Variants in MTERF4 observed in about 807,000 individuals in gnomAD.
The protein encoded by MTERF4 is mitochondrial transcription termination factor 4.
Under a neutral mutation model 22.5 loss-of-function variants are expected in MTERF4, and 17 were observed. The ratio of observed to expected loss-of-function variants is 0.75; its 90% CI spans 0.52 to 1.13. The LOEUF is 1.13. MTERF4 is among the 50% of genes most tolerant of loss of function. MTERF4 has a pLI of 0.00. For synonymous variants in MTERF4, 165 were observed against 175.3 expected (o/e 0.94, Z 0.47); for missense variants, 420 against 466.8 (o/e 0.90, Z 0.92).
At chr2:241,070,746 T>TCCCGAACGCCCCACTTAGGTCTTC (rs2062668732), downstream of MTERF4, among the ~76,000 whole-genome samples, 1 of 152,036 alleles carries the variant, frequency 6.6e-6, no homozygotes, top group Admixed American at 6.6e-5. Flanking sequence ...TCCACCAGGG[T>TCCCGAACGCCCCACTTAGGTCTTC]CCCGAACGCC....
chr2:241,068,781 T>C, downstream of MTERF4: 1 of 648,772 alleles, frequency 1.5e-6, no homozygotes, highest in Non-Finnish European at 2.7e-6. The surrounding 1 kb of genome is among the most constrained non-coding windows in gnomAD (Gnocchi z 5.3). Flanking sequence ...TCGTGGAGGT[T>C]GCCTGGGCCA....
intron 4 of MTERF4, among the ~76,000 whole-genome samples, chr2:241,081,123 G>C (rs2063306789): frequency 6.6e-6 from 1 of 152,230 alleles, no homozygotes; most frequent in African/African-American, 2.4e-5. Context: ...GGGCTGGCTG[G>C]GGGTGCACAC....
Position 241,073,530 on chromosome 2 carries a change from G to A in MTERF4, n.2632C>T, listed in dbSNP as rs1342930805. The A allele has an allele frequency of 1.5e-6, 1 of 667,546 alleles. No homozygotes were observed. Among genetic ancestry groups the A allele is most frequent in the Non-Finnish European group, 2.7e-6 (1 of 364,892 alleles). The allele number at this position is 667,546 out of a possible 1,614,324, so 41.4% of individuals were successfully genotyped here. A position where few individuals can be genotyped will look rare whatever the true frequency, so the allele number is the denominator to read the frequency against. ...CCCCGGTGTGGGAAGATGGGGTGAA[G>A]CTACACCACCCAAGCAGTGGGACCC... On this transcript the variant is annotated non_coding_transcript_exon_variant, in exon 5 of 5. Transcript: ENST00000464344. This position sits in a 1 kb window ranked among gnomAD's most constrained non-coding sequence, Gnocchi z 6.6.
Position 241,075,525 on chromosome 2 carries a change from G to C in MTERF4, n.637C>G, listed in dbSNP as rs912087535. On this transcript the variant is annotated non_coding_transcript_exon_variant, in exon 5 of 5. Coordinates refer to the MTERF4 transcript ENST00000464344. This position sits in a 1 kb window ranked among gnomAD's most constrained non-coding sequence, Gnocchi z 4.8. ...AGGTGTTTGCTTCTGTGAAATGCCTGATCACGCCTTTTGACTTTATGTTGG... is the reference window on the plus strand; with the variant it reads ...AGGTGTTTGCTTCTGTGAAATGCCTCATCACGCCTTTTGACTTTATGTTGG... The C allele has an allele frequency of 1.3e-5, 2 of 152,192 alleles. No homozygotes were observed. The highest frequency in any genetic ancestry group is 4.8e-5 in the African/African-American group (2 of 41,436). 9.4% of individuals were successfully genotyped at this position (152,192 alleles called of 1,614,324 possible).
At position 241,074,662 on chromosome 2, in the gene MTERF4, T is replaced by G. The variant is rs1327980384; in HGVS notation, n.1500A>C. 2.6e-5 allele frequency: 4 copies of G among 152,280 alleles called. No individual in the cohort carries two copies. In the East Asian group the frequency reaches 7.7e-4, roughly 29 times the overall value. The allele number at this position is 152,280 out of a possible 1,614,324, so 9.4% of individuals were successfully genotyped here. ...TGCTCATGCCCTGGTGGGTGCAAAATGATTTTAAGTGATAACATGAAAAGT... is the reference window on the plus strand; with the variant it reads ...TGCTCATGCCCTGGTGGGTGCAAAAGGATTTTAAGTGATAACATGAAAAGT... On this transcript the variant is annotated non_coding_transcript_exon_variant, in exon 5 of 5. Transcript: ENST00000464344.
At chr2:241,049,629 A>T in the MTERF4 span, among the ~76,000 whole-genome samples, 1 of 152,178 alleles carries the variant, frequency 6.6e-6, no homozygotes, top group Admixed American at 6.5e-5. Flanking sequence ...CGAGAAAAAG[A>T]GAAATTCCAG....
chr2:241,099,743 A>C lies in MTERF4; in HGVS notation c.173T>G (p.Val58Gly). 1 of 1,614,160 alleles carries C rather than the reference A, an allele frequency of 6.2e-7. No homozygotes were observed. Among genetic ancestry groups the C allele is most frequent in the South Asian group, 1.1e-5 (1 of 91,088 alleles). The change falls in exon 2 of 4, where the codon GTT (valine) becomes GGT (glycine). Residue 58 changes from valine to glycine, a missense_variant. By Grantham distance (109) the Val-to-Gly change is moderately radical. Coordinates refer to ENST00000391980, the MANE Select transcript of MTERF4 (RefSeq NM_182501.4). ...NGGVIEELSC[V>G]RSNNYVQEPE... is the part of the protein sequence containing the mutation. The stretch of plus-strand genomic sequence containing the variant: ...TTCCTGCACATAGTTATTGGATCTA[A>C]CACAAGATAACTCCTCAATGACCCC...
the MTERF4 span, among the ~76,000 whole-genome samples, chr2:241,056,100 T>C: frequency 1.3e-5 from 2 of 151,094 alleles, no homozygotes; most frequent in Middle Eastern, 3.2e-3. Context: ...AAAGACCTTA[T>C]GGATCACCCA....
chr2:241,097,184 TC>T, intron 3 of MTERF4, 58 bp downstream of exon 3: 1 of 1,581,352 alleles, frequency 6.3e-7, no homozygotes, highest in Non-Finnish European at 8.7e-7. Flanking sequence ...ACTACGCTAA[TC>T]CCATTACCAG....
At chr2:241,050,018 T>G in the MTERF4 span, 5 of 1,018,314 alleles carry the variant, frequency 4.9e-6, no homozygotes, top group Non-Finnish European at 7.7e-6. Flanking sequence ...GCTGTCTCTC[T>G]CCTTGTTTCG....
chr2:241,062,058 T>C, the MTERF4 span, among the ~76,000 whole-genome samples: 1 of 152,220 alleles, frequency 6.6e-6, no homozygotes, highest in Non-Finnish European at 1.5e-5. Context: ...TATATCATGA[T>C]GTACTATGAA....
downstream of MTERF4, chr2:241,071,549 A>G (rs1305184065): frequency 3.2e-6 from 5 of 1,568,240 alleles, no homozygotes; most frequent in African/African-American, 6.7e-5. Context: ...GCCCCAGACC[A>G]GCCCCTTCCT....
At chr2:241,088,373 G>C, downstream of MTERF4, 1 of 1,610,320 alleles carries the variant, frequency 6.2e-7, no homozygotes, top group Middle Eastern at 1.7e-4. Context: ...AGGAAACAAA[G>C]TAAGAGTCAG....
chr2:241,058,676 C>T, the MTERF4 span, among the ~76,000 whole-genome samples: 3 of 152,182 alleles, frequency 2.0e-5, no homozygotes, highest in Admixed American at 6.5e-5. Context: ...TTGGGCCGGG[C>T]GCGGTGGCTC....
At chr2:241,059,594 G>C in the MTERF4 span, among the ~76,000 whole-genome samples, 1 of 152,148 alleles carries the variant, frequency 6.6e-6, no homozygotes, top group African/African-American at 2.4e-5. Context: ...TCATGACCAA[G>C]TGGGATTTTT....
chr2:241,083,643 C>T (rs1002855743), downstream of MTERF4, among the ~76,000 whole-genome samples: 15 of 152,160 alleles, frequency 9.9e-5, no homozygotes, highest in South Asian at 4.1e-4. Context: ...CAGTATCTGC[C>T]ATCTTCCCGC....
At chr2:241,052,479 CA>C in the MTERF4 span, 8,284 of 1,585,672 alleles carry the variant, frequency 5.2e-3, 355 homozygotes, top group South Asian at 0.056. Context: ...GTGAGAGGGT[CA>C]GGGGGATCAA....
chr2:241,043,783 C>T, the MTERF4 span, among the ~76,000 whole-genome samples: 5 of 152,216 alleles, frequency 3.3e-5, no homozygotes, highest in Non-Finnish European at 7.3e-5. Flanking sequence ...CACAACTCAA[C>T]TCTACCATTG....
chr2:241,089,851 C>T (rs751789536), downstream of MTERF4: 18 of 1,416,052 alleles, frequency 1.3e-5, no homozygotes, highest in South Asian at 9.6e-5. Context: ...AGAGCCCATG[C>T]TCCCGGGCTA....
Sources: allele counts gnomAD v4.1 joint callset (sites outside exome capture counted in the v4.1 genomes callset), GRCh38; gene constraint gnomAD v4.1.1; non-coding constraint Gnocchi (gnomAD v3.1); transcripts MANE v1.5; gene names NCBI Gene and HGNC (gene_info 2026-07-23, HGNC 2026-07-21).